Variants in MS4A4E observed in about 807,000 individuals in gnomAD.
MS4A4E encodes membrane spanning 4-domains A4E.
A neutral mutation model predicts 13.3 loss-of-function variants in MS4A4E; 23 were observed. The observed-to-expected ratio is 1.73, with a 90% CI of 1.25 to 2.45. The LOEUF is 2.45. Among genes scored for constraint, MS4A4E ranks in the 30% most tolerant of loss-of-function variants. The probability of loss-of-function intolerance (pLI) is 0.00; values close to 1 mark genes in which losing one functional copy is unlikely to be tolerated. For missense variants in MS4A4E, 144 were observed against 131.2 expected (o/e 1.10, Z -0.48); for synonymous variants, 36 against 45.6 (o/e 0.79, Z 0.85).
At chr11:60,206,143 A>T (rs1182558735) in intron 6 of MS4A4E, among the ~76,000 whole-genome samples, 1 of 152,134 alleles carries the variant, frequency 6.6e-6, no homozygotes, top group Non-Finnish European at 1.5e-5. Context: ...CACTTCATGA[A>T]GGAAAAAGCA....
At chr11:60,241,100 T>G (rs2084544202) in intron 1 of MS4A4E, among the ~76,000 whole-genome samples, 1 of 152,200 alleles carries the variant, frequency 6.6e-6, no homozygotes. Context: ...CTCGGCTCAC[T>G]GCAAGCTCCG....
Position 60,201,075 on chromosome 11 carries a change from C to T in MS4A4E, c.*468G>A, listed in dbSNP as rs567221435. On this transcript the variant is annotated 3_prime_UTR_variant, in exon 9 of 9. Coordinates refer to ENST00000651255, the MANE Select transcript of MS4A4E (RefSeq NM_001393391.1). ...GCTGGCCGGGTGGGGGGCTGAACCC[C>T]CCACCTCCCTCCCGGACGGGGCGGC... 1.4e-4 allele frequency among the ~76,000 whole-genome samples: 20 copies of T among 146,716 alleles called. No homozygotes were observed. The East Asian group carries it at 2.9e-3, about 22-fold the overall frequency.
chr11:60,220,888 A>C (rs1431068706), intron 3 of MS4A4E, among the ~76,000 whole-genome samples: 1 of 152,182 alleles, frequency 6.6e-6, no homozygotes, highest in African/African-American at 2.4e-5. Context: ...GAGACCTGAA[A>C]GGCTTCCAGT....
In MS4A4E at chr11:60,228,620, C is replaced by T. The variant is rs1366621151; in HGVS notation, c.152G>A (p.Cys51Tyr). Residue 51 changes from cysteine to tyrosine, a missense_variant, in exon 3 of 9, where the codon TGT becomes TAT. Physicochemically the swap from Cys to Tyr is radical, Grantham distance 194. This residue lies in a region of MS4A4E where 119 missense variants were observed against 88.7 expected (regional missense o/e 1.34). Transcript: ENST00000651255. ...KRKPKVLGVL[C>Y]GHKFSTHSVS... ...CGAATGAGTTGAAAACTTATGTCCA[C>T]ACAAAACCTGCACACAGATATTTAT... 7 of 698,014 alleles carry T rather than the reference C, an allele frequency of 1.0e-5. No individual in the cohort carries two copies. Among genetic ancestry groups the T allele is most frequent in the Non-Finnish European group, 1.6e-5 (6 of 382,816 alleles). 43.2% of individuals were successfully genotyped at this position (698,014 alleles called of 1,614,324 possible). A position where few individuals can be genotyped will look rare whatever the true frequency, so the allele number is the denominator to read the frequency against.
chr11:60,225,379 C>G (rs983460125), intron 3 of MS4A4E, among the ~76,000 whole-genome samples: 1 of 152,140 alleles, frequency 6.6e-6, no homozygotes, highest in African/African-American at 2.4e-5. Context: ...TCTACCGCAA[C>G]TGTTTCTCTC....
intron 1 of MS4A4E, among the ~76,000 whole-genome samples, chr11:60,238,707 T>C (rs1466287712): frequency 6.6e-6 from 1 of 152,236 alleles, no homozygotes; most frequent in Non-Finnish European, 1.5e-5. Flanking sequence ...TGTTTCCATT[T>C]AGTTTGTTCT....
intron 1 of MS4A4E, among the ~76,000 whole-genome samples, chr11:60,235,274 G>A (rs1015701208): frequency 9.9e-5 from 15 of 152,152 alleles, no homozygotes; most frequent in South Asian, 2.1e-4. Context: ...TGTGCTTTTT[G>A]TAGAGACAGA....
intron 1 of MS4A4E, among the ~76,000 whole-genome samples, chr11:60,235,679 T>A (rs192990784): frequency 6.6e-6 from 1 of 152,316 alleles, no homozygotes; most frequent in Non-Finnish European, 1.5e-5. Context: ...TGGTAAATGA[T>A]CAAACTATGG....
chr11:60,233,789 TC>T (rs2084444743), intron 1 of MS4A4E, among the ~76,000 whole-genome samples: 1 of 151,540 alleles, frequency 6.6e-6, no homozygotes, highest in African/African-American at 2.4e-5. Context: ...ACACAGAGAG[TC>T]CCAATTAGGG....
chr11:60,222,955 A>G (rs1287306410), intron 3 of MS4A4E, among the ~76,000 whole-genome samples: 1 of 152,160 alleles, frequency 6.6e-6, no homozygotes, highest in African/African-American at 2.4e-5. Context: ...CCCTATGATT[A>G]AGGTCAATGG....
chr11:60,213,804 T>C (rs1311152094), intron 4 of MS4A4E, among the ~76,000 whole-genome samples: 1 of 152,220 alleles, frequency 6.6e-6, no homozygotes, highest in African/African-American at 2.4e-5. Context: ...CATCTTGACA[T>C]GAGAGTTACA....
At chr11:60,217,595 C>T (rs369550911) in intron 3 of MS4A4E, among the ~76,000 whole-genome samples, 1 of 152,120 alleles carries the variant, frequency 6.6e-6, no homozygotes, top group Admixed American at 6.6e-5. Flanking sequence ...GAAGCCATGG[C>T]AGAAGAATGT....
intron 1 of MS4A4E, among the ~76,000 whole-genome samples, chr11:60,236,677 TG>T (rs1277377876): frequency 6.6e-6 from 1 of 152,098 alleles, no homozygotes; most frequent in African/African-American, 2.4e-5. Context: ...ATGTGCAGGT[TG>T]GTCATACAGG....
intron 1 of MS4A4E, among the ~76,000 whole-genome samples, chr11:60,235,872 T>A (rs532785488): frequency 8.5e-5 from 13 of 152,212 alleles, no homozygotes; most frequent in Non-Finnish European, 1.9e-4. Flanking sequence ...GGTCTCAATA[T>A]ACCTAAATAG....
chr11:60,232,413 C>T (rs979026539), intron 1 of MS4A4E, among the ~76,000 whole-genome samples: 4 of 152,076 alleles, frequency 2.6e-5, no homozygotes, highest in South Asian at 2.1e-4. Flanking sequence ...TTGTAGAGCA[C>T]AGAAACCCAG....
At chr11:60,241,207 G>A (rs2084546020) in intron 1 of MS4A4E, among the ~76,000 whole-genome samples, 1 of 152,118 alleles carries the variant, frequency 6.6e-6, no homozygotes, top group South Asian at 2.1e-4. Flanking sequence ...TGTATTTTTA[G>A]TAGAGAAGGG....
intron 5 of MS4A4E, 134 bp from the exon 6 acceptor site, chr11:60,208,828 AC>A (rs1307347590): frequency 2.5e-6 from 1 of 404,530 alleles, no homozygotes; most frequent in African/African-American, 2.0e-5. Context: ...TGGCAGCCAT[AC>A]CCTTGACCAA....
chr11:60,235,904 G>A (rs568273716), intron 1 of MS4A4E, among the ~76,000 whole-genome samples: 8 of 152,126 alleles, frequency 5.3e-5, no homozygotes, highest in Non-Finnish European at 1.0e-4. Context: ...TTACATTTAG[G>A]TCTTACATTT....
intron 6 of MS4A4E, among the ~76,000 whole-genome samples, chr11:60,207,540 C>T (rs550784660): frequency 2.0e-5 from 3 of 152,236 alleles, no homozygotes; most frequent in African/African-American, 7.2e-5. Flanking sequence ...ATGGTATTGC[C>T]TGGGAATCCC....
Sources: gnomAD v4.1 joint callset for allele counts (sites outside exome capture counted in the v4.1 genomes callset) on GRCh38, gnomAD v4.1.1 for gene constraint, gnomAD v4.1.1 regional missense constraint, MANE v1.5 for transcripts, NCBI Gene and HGNC (gene_info 2026-07-23, HGNC 2026-07-21) for gene names.